The following FHIP1A variants were observed in gnomAD, a reference collection of about 807,000 sequenced individuals.
FHIP1A encodes FHF complex subunit HOOK-interacting protein 1A.
FHIP1A carries 61 observed loss-of-function variants against 88.6 expected under a neutral mutation model. The ratio of observed to expected loss-of-function variants is 0.69; its 90% CI spans 0.56 to 0.85. FHIP1A has a LOEUF of 0.85. Among genes scored for constraint, FHIP1A ranks in the 40% least tolerant of loss-of-function variants. The pLI, the probability that FHIP1A is intolerant of heterozygous loss-of-function variation, is 0.00. For missense variants in FHIP1A, 1,154 were observed against 1,273.5 expected, an observed-to-expected ratio of 0.91 and a Z score of 1.43; for synonymous variants, 478 against 496.0, an observed-to-expected ratio of 0.96 and a Z score of 0.48.
In FHIP1A at chr4:151,649,778, G is replaced by A; in HGVS notation, c.1737G>A (p.Trp579Ter). 1 of 1,551,656 alleles carries A rather than the reference G, an allele frequency of 6.4e-7. No individual in the cohort carries two copies. Among genetic ancestry groups the A allele is most frequent in the Admixed American group, 2.0e-5 (1 of 51,012 alleles). Reference protein sequence around the residue: ...RKDKSQTELEWDDSYDTGISS... With the variant: ...RKDKSQTELE The stretch of plus-strand genomic sequence containing the variant: ...ACAAGAGCCAGACAGAGCTGGAATG[G>A]GATGACAGCTATGACACTGGAATCT... Residue 579 changes from tryptophan (W) to a stop codon, truncating the protein, a stop_gained, in exon 11 of 14, where the codon TGG (tryptophan) becomes TGA (stop). Coordinates refer to ENST00000435205, the MANE Select transcript of FHIP1A (RefSeq NM_001109977.3). LOFTEE classifies it high-confidence loss of function.
chr4:151,515,494 G>C (rs1273999486), intron 3 of FHIP1A, among the ~76,000 whole-genome samples: 1 of 151,342 alleles, frequency 6.6e-6, no homozygotes, highest in Admixed American at 6.6e-5. Context: ...TATTCAATTA[G>C]GAAAAGAGGA....
intron 8 of FHIP1A, among the ~76,000 whole-genome samples, chr4:151,633,126 G>T (rs1736218540): frequency 6.6e-6 from 1 of 151,758 alleles, no homozygotes; most frequent in African/African-American, 2.4e-5. Flanking sequence ...AAATGAGAGA[G>T]GCGACATTAC....
chr4:151,547,797 C>T (rs1732562133), intron 3 of FHIP1A, among the ~76,000 whole-genome samples: 1 of 152,104 alleles, frequency 6.6e-6, no homozygotes, highest in Admixed American at 6.5e-5. Context: ...GCTTGTAATC[C>T]CAGCTACTCG....
chr4:151,458,420 A>G (rs1434461391), intron 2 of FHIP1A, among the ~76,000 whole-genome samples: 1 of 152,148 alleles, frequency 6.6e-6, no homozygotes, highest in Non-Finnish European at 1.5e-5. Flanking sequence ...AGGCTCTAGG[A>G]AAGTCTTCAC....
chr4:151,595,009 T>C (rs1008377935), intron 7 of FHIP1A, among the ~76,000 whole-genome samples: 1 of 152,252 alleles, frequency 6.6e-6, no homozygotes, highest in African/African-American at 2.4e-5. Context: ...GAAGAGTTTT[T>C]CATGTCTCTA....
chr4:151,599,931 G>A (rs771500696), intron 7 of FHIP1A, among the ~76,000 whole-genome samples: 1 of 152,192 alleles, frequency 6.6e-6, no homozygotes, highest in Admixed American at 6.5e-5. Flanking sequence ...TTTCGGTCAG[G>A]ATTAGCTTGA....
chr4:151,635,396 G>A lies in FHIP1A; in HGVS notation c.1147-3281G>A, dbSNP rs1578845406. Among the ~76,000 whole-genome samples, 3 of 151,910 alleles carry A rather than the reference G, an allele frequency of 2.0e-5. No homozygotes were observed. In the South Asian group the frequency reaches 6.2e-4, roughly 32 times the overall value. On this transcript the variant is annotated intron_variant, in intron 8 of 13. Coordinates refer to ENST00000435205, the MANE Select transcript of FHIP1A (RefSeq NM_001109977.3). ...GGGTATATATCTAAAAGAATTTAAA[G>A]CACGATCTTGAACAGATATTTGTAC...
At chr4:151,603,385 G>C (rs946945273) in intron 7 of FHIP1A, among the ~76,000 whole-genome samples, 4 of 151,784 alleles carry the variant, frequency 2.6e-5, no homozygotes, top group African/African-American at 9.7e-5. Flanking sequence ...CCCTGGACCC[G>C]GGTTTCCTCT....
At chr4:151,460,116 G>T (rs1030109077) in intron 2 of FHIP1A, among the ~76,000 whole-genome samples, 1 of 152,056 alleles carries the variant, frequency 6.6e-6, no homozygotes, top group Non-Finnish European at 1.5e-5. Context: ...GATATTTGAG[G>T]ATACATTATT....
intron 3 of FHIP1A, among the ~76,000 whole-genome samples, chr4:151,564,982 A>G (rs1294137154): frequency 1.3e-5 from 2 of 152,026 alleles, no homozygotes; most frequent in Non-Finnish European, 2.9e-5. Context: ...TCTGAAGCCC[A>G]CTTTCTCCCA....
intron 3 of FHIP1A, among the ~76,000 whole-genome samples, chr4:151,508,405 T>A (rs1730906499): frequency 6.6e-6 from 1 of 152,170 alleles, no homozygotes. Context: ...TGGTTGCTGG[T>A]TCTGGAATTG....
intron 3 of FHIP1A, among the ~76,000 whole-genome samples, chr4:151,545,106 T>G (rs1293740657): frequency 6.6e-6 from 1 of 152,156 alleles, no homozygotes; most frequent in African/African-American, 2.4e-5. Flanking sequence ...CTCACTGCCC[T>G]CACTATTTTT....
intron 2 of FHIP1A, among the ~76,000 whole-genome samples, chr4:151,462,908 G>A (rs1228928969): frequency 1.3e-5 from 2 of 152,126 alleles, no homozygotes; most frequent in African/African-American, 2.4e-5. Flanking sequence ...TATTTTATGC[G>A]GAATTACATG....
At chr4:151,587,189 A>G (rs1437688207) in intron 6 of FHIP1A, among the ~76,000 whole-genome samples, 1 of 152,160 alleles carries the variant, frequency 6.6e-6, no homozygotes, top group Non-Finnish European at 1.5e-5. Context: ...ATTTTGCTTA[A>G]TGGCGCATAC....
At chr4:151,461,639 T>A (rs781464358) in intron 2 of FHIP1A, among the ~76,000 whole-genome samples, 1 of 152,168 alleles carries the variant, frequency 6.6e-6, no homozygotes, top group Non-Finnish European at 1.5e-5. Context: ...AATAAAATTT[T>A]AAAATTTTAA....
At chr4:151,607,567 A>C (rs750115442) in intron 7 of FHIP1A, among the ~76,000 whole-genome samples, 1 of 152,252 alleles carries the variant, frequency 6.6e-6, no homozygotes, top group Non-Finnish European at 1.5e-5. Flanking sequence ...CATTATATTC[A>C]ACTGATACAA....
At chr4:151,426,336 A>G (rs1157978134) in intron 1 of FHIP1A, among the ~76,000 whole-genome samples, 1 of 152,184 alleles carries the variant, frequency 6.6e-6, no homozygotes, top group East Asian at 1.9e-4. Flanking sequence ...ACATTGATAA[A>G]TGCAACGCTT....
rs564795032 is a variant in FHIP1A, at chr4:151,575,088, A to G, written c.106-2362A>G. On this transcript the variant is annotated intron_variant, in intron 4 of 13. Transcript: ENST00000435205. ...AAAGATTGAGCTAATTTGCCACTCC[A>G]CCATCAATGTATAAAGCACAGCCCC... is the stretch of plus-strand genomic sequence containing the variant. 2.8e-4 allele frequency among the ~76,000 whole-genome samples: 42 copies of G among 152,244 alleles called. No homozygotes were observed. In the South Asian group the frequency reaches 7.5e-3, roughly 27 times the overall value.
chr4:151,605,511 A>G (rs1427819631), intron 7 of FHIP1A, among the ~76,000 whole-genome samples: 1 of 152,214 alleles, frequency 6.6e-6, no homozygotes, highest in Admixed American at 6.5e-5. Flanking sequence ...AAATTATTCC[A>G]TTCAAGAGCA....
Sources: gnomAD v4.1 joint callset for allele counts (sites outside exome capture counted in the v4.1 genomes callset) on GRCh38, gnomAD v4.1.1 for gene constraint, MANE v1.5 for transcripts, NCBI Gene and HGNC (gene_info 2026-07-23, HGNC 2026-07-21) for gene names.